GSTA1: variants seen among roughly 807,000 people sequenced by gnomAD.
GSTA1 encodes glutathione S-transferase alpha 1.
In GSTA1, 23 loss-of-function variants were observed where a neutral mutation model predicts 21.5. The observed-to-expected ratio is 1.07, with a 90% CI of 0.77 to 1.52. The LOEUF is 1.52. Among genes scored for constraint, GSTA1 ranks in the 40% most tolerant of loss-of-function variants. The probability of loss-of-function intolerance (pLI) is 0.00; values close to 1 mark genes in which losing one functional copy is unlikely to be tolerated. For missense variants in GSTA1, 301 were observed against 264.2 expected (o/e 1.14, Z -0.96); for synonymous variants, 125 against 90.0 (o/e 1.39, Z -2.20).
intron 3 of GSTA1, 77 bp downstream of exon 3, chr6:52,797,509 C>T: frequency 5.8e-6 from 6 of 1,031,144 alleles, no homozygotes; most frequent in Non-Finnish European, 9.2e-6. Flanking sequence ...CACCCATAGA[C>T]ATTGCCGGCT....
At chr6:52,800,758 C>T (rs138991770) in intron 1 of GSTA1, among the ~76,000 whole-genome samples, 368 of 152,298 alleles carry the variant, frequency 2.4e-3, no homozygotes, top group African/African-American at 8.4e-3. Context: ...GACTTAGGAA[C>T]AGTTGCGTTT....
At chr6:52,799,507 T>C (rs752563369) in intron 1 of GSTA1, among the ~76,000 whole-genome samples, 6 of 152,176 alleles carry the variant, frequency 3.9e-5, no homozygotes, top group Non-Finnish European at 7.3e-5. Context: ...CAAGTCTTCA[T>C]TGGCTAACTG....
intron 4 of GSTA1, among the ~76,000 whole-genome samples, chr6:52,795,001 T>C (rs191187685): frequency 1.3e-5 from 2 of 152,362 alleles, no homozygotes; most frequent in Admixed American, 1.3e-4. Flanking sequence ...AGGTATATTA[T>C]ACTATTGAGT....
chr6:52,793,980 T>C (rs1340083500), intron 5 of GSTA1, 145 bp downstream of exon 5: 3 of 971,572 alleles, frequency 3.1e-6, no homozygotes, highest in Non-Finnish European at 3.1e-6. Flanking sequence ...TCTATTTTCA[T>C]AAAATGCCTT....
chr6:52,802,579 C>T (rs1763742834), intron 1 of GSTA1, among the ~76,000 whole-genome samples: 2 of 152,180 alleles, frequency 1.3e-5, no homozygotes, highest in Non-Finnish European at 2.9e-5. Flanking sequence ...GATCCTCTTT[C>T]TTTGATCTAT....
At chr6:52,792,509 CT>C (rs1763481911) in intron 6 of GSTA1, among the ~76,000 whole-genome samples, 1 of 152,074 alleles carries the variant, frequency 6.6e-6, no homozygotes, top group Non-Finnish European at 1.5e-5. Context: ...AAGGGCTCTG[CT>C]CAGACCGGCT....
chr6:52,796,271 A>G lies in GSTA1; in HGVS notation c.183T>C (p.Asp61=), dbSNP rs150617944. The part of the protein sequence containing the change: ...MFQQVPMVEI[D]GMKLVQTRAI... ...CTCTGGTCTGCACCAGCTTCATCCC[A>G]TCAATCTCAACCATTGGCACTTGCT... Residue 61 remains aspartate (D), a synonymous_variant, in exon 4 of 7, where the codon GAT becomes GAC. Coordinates refer to ENST00000334575, the MANE Select transcript of GSTA1 (RefSeq NM_145740.5). The G allele has an allele frequency of 7.4e-6, 12 of 1,613,608 alleles. No homozygotes were observed. In the African/African-American group the frequency reaches 1.5e-4, roughly 20 times the overall value.
At chr6:52,792,377 C>A (rs1581791723) in intron 6 of GSTA1, among the ~76,000 whole-genome samples, 1 of 152,120 alleles carries the variant, frequency 6.6e-6, no homozygotes, top group Admixed American at 6.5e-5. Flanking sequence ...AAAGACAAAC[C>A]ATGGGACCAC....
In GSTA1 at chr6:52,791,721, AT is replaced by A; in HGVS notation, c.*136del. ...AACTAAGTCAGCGAATAGGAGTTGT[AT>A]TATTTAATTAGCATATAATTTGAAA... On this transcript the variant is annotated 3_prime_UTR_variant, in exon 7 of 7. Coordinates refer to ENST00000334575, the MANE Select transcript of GSTA1 (RefSeq NM_145740.5). 1.0e-6 allele frequency: 1 copy of A among 969,286 alleles called. No individual in the cohort carries two copies. Among genetic ancestry groups the A allele is most frequent in the South Asian group, 1.7e-5 (1 of 59,624 alleles). The allele number at this position is 969,286 out of a possible 1,614,324, so 60.0% of individuals were successfully genotyped here.
intron 6 of GSTA1, among the ~76,000 whole-genome samples, chr6:52,792,421 AGTGT>A (rs1393332393): frequency 2.0e-5 from 3 of 152,294 alleles, no homozygotes; most frequent in African/African-American, 7.2e-5. Context: ...GTGGGGGGCC[AGTGT>A]TCTGGAGAGC....
chr6:52,801,655 A>C (rs145564217), intron 1 of GSTA1, among the ~76,000 whole-genome samples: 1,965 of 152,346 alleles, frequency 0.013, 47 homozygotes, highest in African/African-American at 0.045. Context: ...GGTCAGGCTA[A>C]GACTGAGACA....
At chr6:52,794,705 T>C (rs957196443) in intron 4 of GSTA1, among the ~76,000 whole-genome samples, 17 of 152,190 alleles carry the variant, frequency 1.1e-4, no homozygotes, top group African/African-American at 2.7e-4. Context: ...CCTTGTCCTC[T>C]CTCATCATTT....
intron 2 of GSTA1, among the ~76,000 whole-genome samples, chr6:52,798,579 T>C (rs546409737): frequency 0.014 from 1,611 of 111,234 alleles, 55 homozygotes; most frequent in African/African-American, 0.054. Flanking sequence ...TATGCATTTT[T>C]ATTTTTTTAT....
At chr6:52,792,597 G>A in intron 6 of GSTA1, 1 of 677,528 alleles carries the variant, frequency 1.5e-6, no homozygotes, top group Non-Finnish European at 2.2e-6. Flanking sequence ...GAGGGATGGG[G>A]AGAGATGCTG....
rs760870902 is a variant in GSTA1 at position 52,791,440 on chromosome 6, T to C, written c.*418A>G. On this transcript the variant is annotated 3_prime_UTR_variant, in exon 7 of 7. Coordinates refer to ENST00000334575, the MANE Select transcript of GSTA1 (RefSeq NM_145740.5). Reference sequence around the variant, plus strand: ...GACTGTCCAGGAAAAGAAGAAAATGTCTTTATGCCATTATCCAGGATGGTA... The same window carrying C: ...GACTGTCCAGGAAAAGAAGAAAATGCCTTTATGCCATTATCCAGGATGGTA... Among the ~76,000 whole-genome samples, 6 of 152,224 alleles carry C rather than the reference T, an allele frequency of 3.9e-5. No homozygotes were observed. Among genetic ancestry groups the C allele is most frequent in the Non-Finnish European group, 7.4e-5 (5 of 68,026 alleles).
chr6:52,799,338 A>T, intron 1 of GSTA1, 41 bp from the exon 2 acceptor site: 1 of 1,351,744 alleles, frequency 7.4e-7, no homozygotes, highest in Non-Finnish European at 1.0e-6. Flanking sequence ...GAAACGATAG[A>T]ATCAAAAATG....
At chr6:52,792,797 A>T (rs768543798) in intron 6 of GSTA1, 59 bp downstream of exon 6, 5 of 1,612,634 alleles carry the variant, frequency 3.1e-6, no homozygotes, top group Admixed American at 3.3e-5. Context: ...CAGGGCCCAG[A>T]TACAAGATCC....
chr6:52,794,290 G>A, intron 4 of GSTA1, 24 bp from the exon 5 acceptor site: 4 of 1,598,132 alleles, frequency 2.5e-6, no homozygotes, highest in Non-Finnish European at 3.4e-6. Flanking sequence ...ACAACCAAAT[G>A]GTCAAATACC....
intron 1 of GSTA1, 28 bp from the exon 2 acceptor site, chr6:52,799,325 A>C: frequency 7.1e-7 from 1 of 1,409,426 alleles, no homozygotes; most frequent in Middle Eastern, 1.8e-4. Flanking sequence ...TGAATGAATA[A>C]TTGAAACGAT....
Sources: allele counts gnomAD v4.1 joint callset (sites outside exome capture counted in the v4.1 genomes callset), GRCh38; gene constraint gnomAD v4.1.1; transcripts MANE v1.5; gene names NCBI Gene and HGNC (gene_info 2026-07-23, HGNC 2026-07-21).